RTEL1: variants seen among roughly 807,000 people sequenced by gnomAD.
RTEL1 encodes regulator of telomere elongation helicase 1.
Under a neutral mutation model 162.2 loss-of-function variants are expected in RTEL1, and 86 were observed. The observed-to-expected ratio is 0.53, with a 90% CI of 0.45 to 0.63. RTEL1 has a LOEUF of 0.63. Among genes scored for constraint, RTEL1 ranks in the 30% least tolerant of loss-of-function variants. The pLI is 0.00. For missense variants in RTEL1, 1,941 were observed against 1,750.2 expected, an observed-to-expected ratio of 1.11 and a Z score of -1.95; for synonymous variants, 958 against 717.9, an observed-to-expected ratio of 1.33 and a Z score of -5.35.
At chr20:63,690,765 C>G in intron 26 of RTEL1, 40 bp from the exon 27 acceptor site, 1 of 1,556,338 alleles carries the variant, frequency 6.4e-7, no homozygotes, top group Non-Finnish European at 8.7e-7. Context: ...CCAGCTGGGG[C>G]CCCCCGTGGG....
At chr20:63,688,973 G>A (rs2090659679) in intron 21 of RTEL1, 82 bp from the exon 22 acceptor site, 2 of 1,222,926 alleles carry the variant, frequency 1.6e-6, no homozygotes, top group East Asian at 4.7e-5. Flanking sequence ...TCATCTTGGA[G>A]CATGAGACCT....
Position 63,692,792 on chromosome 20 carries a change from C to T in RTEL1, c.2653-13C>T. The T allele has an allele frequency of 9.3e-6, 15 of 1,607,256 alleles. No homozygotes were observed. Among genetic ancestry groups the T allele is most frequent in the Middle Eastern group, 1.8e-4 (1 of 5,616 alleles). On this transcript the variant is annotated splice_polypyrimidine_tract_variant and intron_variant, in intron 28 of 34. Coordinates refer to ENST00000360203, the MANE Select transcript of RTEL1 (RefSeq NM_001283009.2). ...GGCTGGCCCTGATGGAGCCTCGGGC[C>T]TGTGTCCTGCAGGAGGAGCCCGTGG...
At chr20:63,690,691 C>A in intron 26 of RTEL1, 114 bp from the exon 27 acceptor site, 1 of 1,254,408 alleles carries the variant, frequency 8.0e-7, no homozygotes, top group Non-Finnish European at 1.1e-6. Flanking sequence ...GGGAGGACAC[C>A]CACAGGCAGG....
chr20:63,676,891 C>T (rs549419544), intron 10 of RTEL1, among the ~76,000 whole-genome samples: 4 of 138,042 alleles, frequency 2.9e-5, no homozygotes, highest in East Asian at 3.9e-4. Flanking sequence ...GCCGAGATCG[C>T]ACCATTGCAC....
rs767218389 is a variant in RTEL1 at position 63,687,929 on chromosome 20, A to G, written c.1482-8A>G. ...TCCCCACTGTCTGCTCCCTCTGGCC[A>G]CGCTCAGCCCTTTCCCAGTCTGCCT... On this transcript the variant is annotated splice_region_variant and splice_polypyrimidine_tract_variant and intron_variant, in intron 17 of 34. Coordinates refer to ENST00000360203, the MANE Select transcript of RTEL1 (RefSeq NM_001283009.2). 9 of 1,612,132 alleles carry G rather than the reference A, an allele frequency of 5.6e-6. No homozygotes were observed. The African/African-American group carries it at 8.0e-5, about 14-fold the overall frequency.
In RTEL1 at chr20:63,667,472, G is replaced by GT. The variant is rs1569085580; in HGVS notation, c.619dup (p.Cys207LeufsTer35). 6.2e-7 allele frequency: 1 copy of GT among 1,613,142 alleles called. No homozygotes were observed. ...TCTTCTCCTCTCTCCTTCCCAGGGT[G>GT]TGCCCTTACTACCTGTCCCGGAACC... On this transcript the variant is annotated frameshift_variant, in exon 8 of 35. Coordinates refer to ENST00000360203, the MANE Select transcript of RTEL1 (RefSeq NM_001283009.2). LOFTEE classifies it high-confidence loss of function.
intron 30 of RTEL1, 57 bp from the exon 31 acceptor site, chr20:63,694,315 C>G: frequency 8.2e-7 from 1 of 1,225,476 alleles, no homozygotes; most frequent in South Asian, 1.2e-5. Context: ...CCCCCCCACC[C>G]CAGGGAACTT....
rs778218846 is a variant in RTEL1, at chr20:63,685,882, T to A, written c.1348+10T>A. 3 of 1,611,546 alleles carry A rather than the reference T, an allele frequency of 1.9e-6. No individual in the cohort carries two copies. The highest frequency in any genetic ancestry group is 2.5e-6 in the Non-Finnish European group (3 of 1,179,346). ...GCAGCCAGAAAGCGAGGTACAGACCTGGGCCCACACGCTCCCCGCCCGCCC... is the reference window on the plus strand; with the variant it reads ...GCAGCCAGAAAGCGAGGTACAGACCAGGGCCCACACGCTCCCCGCCCGCCC... On this transcript the variant is annotated intron_variant, in intron 16 of 34. Coordinates refer to ENST00000360203, the MANE Select transcript of RTEL1 (RefSeq NM_001283009.2).
At position 63,694,940 on chromosome 20, in the gene RTEL1, C is replaced by G. The variant is rs773182758; in HGVS notation, c.3309C>G (p.Thr1103=). Residue 1103 remains threonine, a synonymous_variant, in exon 32 of 35, where the codon ACC becomes ACG. Coordinates refer to ENST00000360203, the MANE Select transcript of RTEL1 (RefSeq NM_001283009.2). ...DKVLAVLAAL[T]TAKPEDFPLL... is the part of the protein sequence containing the mutation. ...TGCTGGCTGTGTTGGCCGCCCTGAC[C>G]ACTGCAAAGCCAGAGGACTTCCCCC... 2 of 1,612,574 alleles carry G rather than the reference C, an allele frequency of 1.2e-6. No individual in the cohort carries two copies. The highest frequency in any genetic ancestry group is 1.7e-6 in the Non-Finnish European group (2 of 1,179,876).
Position 63,692,878 on chromosome 20 carries a change from A to G in RTEL1, c.2726A>G (p.Gln909Arg), listed in dbSNP as rs368188907. ...FMVAVKQELS[Q>R]ANFATFTQAL... is the part of the protein sequence containing the mutation. The stretch of plus-strand genomic sequence containing the variant: ...GTGGCCGTGAAGCAGGAGTTGAGCC[A>G]AGCCAACTTTGCCACCTTCACCCAG... The change falls in exon 29 of 35, where the codon CAA becomes CGA. Residue 909 changes from glutamine to arginine, a missense_variant. Gln to Arg is a conservative substitution (Grantham distance 43, BLOSUM62 1). Coordinates refer to ENST00000360203, the MANE Select transcript of RTEL1 (RefSeq NM_001283009.2). 14 of 1,612,526 alleles carry G rather than the reference A, an allele frequency of 8.7e-6. No homozygotes were observed. Among genetic ancestry groups the G allele is most frequent in the Non-Finnish European group, 1.2e-5 (14 of 1,179,862 alleles).
chr20:63,695,599 C>T lies in RTEL1; in HGVS notation c.3771C>T (p.Cys1257=), dbSNP rs368539067. The T allele has an allele frequency of 8.7e-6, 14 of 1,611,846 alleles. No homozygotes were observed. The African/African-American group carries it at 1.1e-4, about 12-fold the overall frequency. ...CGAEDVVPFQ[C]PACDFQRCQA... is the part of the protein sequence containing the mutation. ...CAGAGGACGTGGTGCCCTTCCAGTG[C>T]CCTGCCTGTGACTTCCAGCGCTGCC... is the stretch of plus-strand genomic sequence containing the variant. Residue 1257 remains cysteine (C), a synonymous_variant, in exon 34 of 35, where the codon TGC becomes TGT. Transcript: ENST00000360203.
intron 8 of RTEL1, among the ~76,000 whole-genome samples, chr20:63,669,741 A>G (rs111837186): frequency 2.3e-4 from 9 of 39,384 alleles, no homozygotes; most frequent in African/African-American, 1.0e-3. Context: ...CTGGGAGAGC[A>G]TCCGGACAGA....
At chr20:63,682,563 G>T in intron 14 of RTEL1, 2 of 985,918 alleles carry the variant, frequency 2.0e-6, no homozygotes, top group Non-Finnish European at 2.4e-6. Context: ...CTAAGTAGCC[G>T]CTGGTGGATG....
rs373195195 is a variant in RTEL1 at position 63,678,943 on chromosome 20, C to T, written c.1037+597C>T. ...AACAGCACACTCTCCCACGCGGGGCCGCTGGGTTTCCTGCAGTTTCTCCTC... is the reference window on the plus strand; with the variant it reads ...AACAGCACACTCTCCCACGCGGGGCTGCTGGGTTTCCTGCAGTTTCTCCTC... On this transcript the variant is annotated intron_variant, in intron 12 of 34. Transcript: ENST00000360203. Among the ~76,000 whole-genome samples the T allele has an allele frequency of 1.1e-4, 16 of 152,280 alleles. No homozygotes were observed. In the East Asian group the frequency reaches 2.7e-3, roughly 26 times the overall value.
chr20:63,687,863 G>A, intron 17 of RTEL1, 74 bp from the exon 18 acceptor site: 1 of 1,575,108 alleles, frequency 6.3e-7, no homozygotes, highest in African/African-American at 1.4e-5. Context: ...CCGGGTGCTG[G>A]GGGTCTCGGG....
chr20:63,668,225 C>T lies in RTEL1; in HGVS notation c.699+672C>T, dbSNP rs6011011. On this transcript the variant is annotated intron_variant, in intron 8 of 34. Transcript: ENST00000360203. The surrounding 1 kb of genome is among the most constrained non-coding windows in gnomAD (Gnocchi z 4.3). Reference sequence around the variant, plus strand: ...CTGCTTTTGTGCCCCACACTTTTTACTTAGTGCAGGTGGGATCACACGCCA... The same window carrying T: ...CTGCTTTTGTGCCCCACACTTTTTATTTAGTGCAGGTGGGATCACACGCCA... 0.11 allele frequency among the ~76,000 whole-genome samples: 16,969 copies of T among 152,262 alleles called. 1,245 individuals are homozygous for T. Among genetic ancestry groups the T allele is most frequent in the African/African-American group, 0.2 (8,488 of 41,518 alleles).
rs1455414990 is a variant in RTEL1, at chr20:63,695,537, C to G, written c.3709C>G (p.Pro1237Ala). The change falls in exon 34 of 35, where the codon CCC becomes GCC. Residue 1237 changes from proline (P) to alanine (A), a missense_variant. Transcript: ENST00000360203. ...GQQATGAPGG[P>A]LSAGCVCQGC... is the part of the protein sequence containing the mutation. ...GCAGGCCACGGGAGCTCCGGGCGGG[C>G]CCCTCTCAGCAGGCTGTGTGTGCCA... 1 of 1,612,240 alleles carries G rather than the reference C, an allele frequency of 6.2e-7. No individual in the cohort carries two copies. Among genetic ancestry groups the G allele is most frequent in the Non-Finnish European group, 8.5e-7 (1 of 1,179,834 alleles).
chr20:63,673,352 C>T (rs931227830), intron 9 of RTEL1, among the ~76,000 whole-genome samples: 2 of 152,104 alleles, frequency 1.3e-5, no homozygotes, highest in Non-Finnish European at 2.9e-5. Flanking sequence ...CAAGATCACA[C>T]CACTGTACTC....
At chr20:63,692,670 C>G in intron 28 of RTEL1, 135 bp from the exon 29 acceptor site, 1 of 836,500 alleles carries the variant, frequency 1.2e-6, no homozygotes, top group Non-Finnish European at 1.9e-6. Context: ...TCCAGCCAGC[C>G]AGTTTCTCAG....
Sources: allele counts gnomAD v4.1 joint callset (sites outside exome capture counted in the v4.1 genomes callset), GRCh38; gene constraint gnomAD v4.1.1; non-coding constraint Gnocchi (gnomAD v3.1); transcripts MANE v1.5; gene names NCBI Gene and HGNC (gene_info 2026-07-23, HGNC 2026-07-21).